Variants in UBE2H observed in about 807,000 individuals in gnomAD.
UBE2H encodes ubiquitin conjugating enzyme E2 H.
In UBE2H, 3 loss-of-function variants were observed where a neutral mutation model predicts 29.0. That is an observed-to-expected ratio of 0.10 (90% confidence interval 0.05 to 0.27). The LOEUF (loss-of-function observed/expected upper bound fraction) is 0.27. Among genes scored for constraint, UBE2H ranks in the 10% least tolerant of loss-of-function variants. UBE2H has a pLI of 1.00. For synonymous variants in UBE2H, 69 were observed against 82.9 expected (o/e 0.83, Z 0.91); for missense variants, 68 against 228.2 (o/e 0.30, Z 4.52).
chr7:129,903,969 A>T (rs1806767695), intron 1 of UBE2H, among the ~76,000 whole-genome samples: 1 of 152,234 alleles, frequency 6.6e-6, no homozygotes, highest in Admixed American at 6.5e-5. Context: ...ATTCCAGAAA[A>T]GAATGTGCAA....
intron 1 of UBE2H, among the ~76,000 whole-genome samples, chr7:129,898,813 C>CTTTTTTTTTT (rs60318810): frequency 2.1e-5 from 3 of 145,814 alleles, no homozygotes; most frequent in Non-Finnish European, 3.0e-5. Flanking sequence ...AGTTGCAGGC[C>CTTTTTTTTTT]TTTTTTTTTT....
intron 1 of UBE2H, among the ~76,000 whole-genome samples, chr7:129,883,885 A>C (rs1363954544): frequency 6.6e-6 from 1 of 152,102 alleles, no homozygotes; most frequent in African/African-American, 2.4e-5. Flanking sequence ...GAATTGATAC[A>C]CATAATGTAT....
At chr7:129,928,195 G>A (rs1004231084) in intron 1 of UBE2H, among the ~76,000 whole-genome samples, 1 of 151,972 alleles carries the variant, frequency 6.6e-6, no homozygotes, top group Non-Finnish European at 1.5e-5. Flanking sequence ...GCCAGGCATG[G>A]TGACACGTGC....
At chr7:129,870,603 CA>C (rs1401434749) in intron 3 of UBE2H, among the ~76,000 whole-genome samples, 2 of 152,168 alleles carry the variant, frequency 1.3e-5, no homozygotes, top group African/African-American at 2.4e-5. Flanking sequence ...ATGTCTAGAA[CA>C]AAGTTTCTTG....
At chr7:129,846,165 A>C (rs990498783) in intron 5 of UBE2H, among the ~76,000 whole-genome samples, 19 of 152,132 alleles carry the variant, frequency 1.2e-4, no homozygotes, top group Non-Finnish European at 2.6e-4. Context: ...CTATTTATGA[A>C]CCAGTGACCA....
chr7:129,850,764 G>A lies in UBE2H; in HGVS notation c.298+6747C>T, dbSNP rs532504186. Among the ~76,000 whole-genome samples, 255 of 150,212 alleles carry A rather than the reference G, an allele frequency of 1.7e-3. 1 individual carries two copies. The highest frequency in any genetic ancestry group is 5.4e-3 in the African/African-American group (222 of 40,934). On this transcript the variant is annotated intron_variant, in intron 5 of 6. Transcript: ENST00000355621. ...CAGGTGGCAGAGGTTACAGTGAGCCGAGATTGCGCCACTGCACTCCAGCCT... is the reference window on the plus strand; with the variant it reads ...CAGGTGGCAGAGGTTACAGTGAGCCAAGATTGCGCCACTGCACTCCAGCCT...
At chr7:129,938,799 GTTTT>G (rs751995862) in intron 1 of UBE2H, among the ~76,000 whole-genome samples, 40 of 149,662 alleles carry the variant, frequency 2.7e-4, no homozygotes, top group Admixed American at 4.0e-4. Flanking sequence ...TTGTTTTTTT[GTTTT>G]TTTTGTTTTT....
intron 3 of UBE2H, among the ~76,000 whole-genome samples, chr7:129,869,739 CA>C (rs1367341591): frequency 1.3e-5 from 2 of 152,288 alleles, no homozygotes; most frequent in Admixed American, 6.5e-5. Flanking sequence ...TTTGGGAGGA[CA>C]GGGGTGGTGG....
intron 3 of UBE2H, among the ~76,000 whole-genome samples, chr7:129,869,901 C>T (rs1268354891): frequency 6.6e-6 from 1 of 152,112 alleles, no homozygotes; most frequent in Non-Finnish European, 1.5e-5. Flanking sequence ...TCTTCCCTTC[C>T]CCTTTCTCTA....
intron 3 of UBE2H, among the ~76,000 whole-genome samples, chr7:129,873,609 AT>A (rs758145127): frequency 9.3e-4 from 131 of 140,662 alleles, no homozygotes; most frequent in African/African-American, 1.5e-3. Context: ...TAATTTTTGT[AT>A]TTTTTTTTTT....
At chr7:129,913,662 G>C (rs544023703) in intron 1 of UBE2H, among the ~76,000 whole-genome samples, 211 of 152,242 alleles carry the variant, frequency 1.4e-3, no homozygotes, top group Non-Finnish European at 2.2e-3. Flanking sequence ...CCTTTAACTG[G>C]GTGCAGTGGC....
At chr7:129,905,654 G>A (rs1806800851) in intron 1 of UBE2H, among the ~76,000 whole-genome samples, 1 of 152,182 alleles carries the variant, frequency 6.6e-6, no homozygotes, top group Non-Finnish European at 1.5e-5. Context: ...TGTTTGAGGT[G>A]AACCTCACAG....
intron 5 of UBE2H, among the ~76,000 whole-genome samples, chr7:129,840,789 A>AAAC (rs1340975112): frequency 6.6e-6 from 1 of 152,200 alleles, no homozygotes; most frequent in African/African-American, 2.4e-5. Context: ...GTAGCATAAA[A>AAAC]AACTACTCAT....
chr7:129,920,136 T>C (rs1401315521), intron 1 of UBE2H, among the ~76,000 whole-genome samples: 5 of 152,236 alleles, frequency 3.3e-5, no homozygotes, highest in African/African-American at 4.8e-5. Context: ...ATCTCAAGTA[T>C]GCATCTCTCA....
chr7:129,835,015 T>C lies in UBE2H; in HGVS notation c.474A>G (p.Glu158=). The C allele has an allele frequency of 6.2e-7, 1 of 1,614,132 alleles. No individual in the cohort carries two copies. Among genetic ancestry groups the C allele is most frequent in the South Asian group, 1.1e-5 (1 of 91,076 alleles). The part of the protein sequence containing the change: ...YATEEALKEQ[E]EGTGDSSSES... Reference sequence around the variant, plus strand: ...CCGATGAGCTGTCCCCGGTACCCTCTTCCTGTTCTTTCAGCGCCTCCTCCG... The same window carrying C: ...CCGATGAGCTGTCCCCGGTACCCTCCTCCTGTTCTTTCAGCGCCTCCTCCG... The change falls in exon 7 of 7, where the codon GAA becomes GAG. Residue 158 remains glutamate (E), a synonymous_variant. Transcript: ENST00000355621.
rs759697093 is a variant in UBE2H, at chr7:129,952,607, G to C, written c.-52C>G. The C allele has an allele frequency of 1.2e-6, 2 of 1,602,112 alleles. No homozygotes were observed. The highest frequency in any genetic ancestry group is 3.3e-4 in the Middle Eastern group (2 of 6,030). On this transcript the variant is annotated 5_prime_UTR_variant, in exon 1 of 7. Transcript: ENST00000355621. Reference sequence around the variant, plus strand: ...CTCGGCCCGTCTGTCACGGGCCCGGGGCCCCGGCTCTGAGGAGCCCGCGGC... The same window carrying C: ...CTCGGCCCGTCTGTCACGGGCCCGGCGCCCCGGCTCTGAGGAGCCCGCGGC...
At chr7:129,924,980 T>C (rs1253825408) in intron 1 of UBE2H, among the ~76,000 whole-genome samples, 1 of 152,102 alleles carries the variant, frequency 6.6e-6, no homozygotes. Flanking sequence ...CTTTTTGTTT[T>C]CCTTTAATGC....
In UBE2H at chr7:129,952,617, C is replaced by CT; in HGVS notation, c.-63dup. ...CTGTCACGGGCCCGGGGCCCCGGCT[C>CT]TGAGGAGCCCGCGGCCGCGCCGGCT... On this transcript the variant is annotated 5_prime_UTR_variant, in exon 1 of 7. Transcript: ENST00000355621. 1 of 1,574,962 alleles carries CT rather than the reference C, an allele frequency of 6.3e-7. No individual in the cohort carries two copies. The highest frequency in any genetic ancestry group is 8.6e-7 in the Non-Finnish European group (1 of 1,161,772).
intron 3 of UBE2H, among the ~76,000 whole-genome samples, chr7:129,863,826 G>C (rs1465042376): frequency 1.2e-5 from 1 of 86,168 alleles, no homozygotes; most frequent in Non-Finnish European, 2.6e-5. Context: ...TTTTTTTTGA[G>C]ATAAGGTCAC....
Sources: gnomAD v4.1 joint callset for allele counts (sites outside exome capture counted in the v4.1 genomes callset) on GRCh38, gnomAD v4.1.1 for gene constraint, MANE v1.5 for transcripts, NCBI Gene and HGNC (gene_info 2026-07-23, HGNC 2026-07-21) for gene names.